Variants in CEP89 observed in about 807,000 individuals in gnomAD.
CEP89 encodes centrosomal protein 89.
A neutral mutation model predicts 97.6 loss-of-function variants in CEP89; 95 were observed. The ratio of observed to expected loss-of-function variants is 0.97; its 90% CI spans 0.82 to 1.15. The LOEUF is 1.15. CEP89 is among the 50% of genes most tolerant of loss of function. The probability of loss-of-function intolerance (pLI) is 0.00; values close to 1 mark genes in which losing one functional copy is unlikely to be tolerated. For synonymous variants in CEP89, 354 were observed against 349.1 expected (o/e 1.01, Z -0.16); for missense variants, 869 against 947.7 (o/e 0.92, Z 1.09).
intron 3 of CEP89, 90 bp downstream of exon 3, chr19:32,959,810 T>G: frequency 7.1e-7 from 1 of 1,412,928 alleles, no homozygotes; most frequent in Non-Finnish European, 9.8e-7. Flanking sequence ...TGCACACACA[T>G]GTACGCATGC....
intron 9 of CEP89, among the ~76,000 whole-genome samples, chr19:32,928,179 G>C (rs960938797): frequency 6.6e-6 from 1 of 152,094 alleles, no homozygotes; most frequent in African/African-American, 2.4e-5. Flanking sequence ...GCCTCCCAAA[G>C]TGCTGGGATT....
intron 16 of CEP89, among the ~76,000 whole-genome samples, chr19:32,888,370 A>G (rs1460638338): frequency 6.6e-6 from 1 of 152,234 alleles, no homozygotes; most frequent in African/African-American, 2.4e-5. Flanking sequence ...CATTCTATAA[A>G]TTAACTATTT....
chr19:32,953,550 A>G (rs2944021), intron 4 of CEP89, 65 bp downstream of exon 4: 177,168 of 1,305,170 alleles, frequency 0.14, 13,859 homozygotes, highest in East Asian at 0.27. Flanking sequence ...TTAGCAATGC[A>G]CTAATTTACC....
rs1970590200 is a variant in CEP89 at position 32,936,818 on chromosome 19, T to C, written c.667+813A>G. On this transcript the variant is annotated intron_variant, in intron 7 of 18. Coordinates refer to ENST00000305768, the MANE Select transcript of CEP89 (RefSeq NM_032816.5). The surrounding 1 kb of genome is among the most constrained non-coding windows in gnomAD (Gnocchi z 4.5). ...CCAGGGCTTCCTCTTTGCTGAGAGC[T>C]GCAGAGACAGTTGGGTGACCTGCCT... Among the ~76,000 whole-genome samples the C allele has an allele frequency of 6.6e-6, 1 of 152,082 alleles. No individual in the cohort carries two copies. The highest frequency in any genetic ancestry group is 2.4e-5 in the African/African-American group (1 of 41,418).
intron 11 of CEP89, among the ~76,000 whole-genome samples, chr19:32,925,684 C>T (rs1287612678): frequency 2.6e-5 from 4 of 152,032 alleles, no homozygotes; most frequent in African/African-American, 4.8e-5. Flanking sequence ...GACGGGGTTT[C>T]ACCATGTTGA....
chr19:32,927,113 C>CCCCCACCT (rs1970374076), intron 9 of CEP89, 129 bp from the exon 10 acceptor site: 1 of 733,804 alleles, frequency 1.4e-6, no homozygotes, highest in African/African-American at 1.8e-5. Flanking sequence ...TCTGCCTACC[C>CCCCCACCT]ACCCACCTAC....
At chr19:32,918,695 C>A (rs540545557) in intron 12 of CEP89, among the ~76,000 whole-genome samples, 1 of 152,040 alleles carries the variant, frequency 6.6e-6, no homozygotes, top group South Asian at 2.1e-4. Flanking sequence ...GTCCTGCTGC[C>A]CACTATATTA....
chr19:32,940,739 G>C (rs1970670758), intron 5 of CEP89, among the ~76,000 whole-genome samples: 1 of 151,332 alleles, frequency 6.6e-6, no homozygotes, highest in Non-Finnish European at 1.5e-5. Flanking sequence ...ACACATTCAT[G>C]TTGTAAAAAG....
chr19:32,922,037 C>T (rs893124551), intron 12 of CEP89, among the ~76,000 whole-genome samples: 4 of 152,170 alleles, frequency 2.6e-5, no homozygotes, highest in African/African-American at 7.2e-5. Context: ...TTAGGCTTTT[C>T]AAGACATGTA....
chr19:32,931,060 A>T (rs555342782), intron 9 of CEP89: 6 of 250,542 alleles, frequency 2.4e-5, no homozygotes, highest in East Asian at 2.1e-4. Flanking sequence ...TAATTTTTTT[A>T]AATTTTTTAT....
chr19:32,903,860 A>G (rs1969834296), intron 14 of CEP89, among the ~76,000 whole-genome samples: 1 of 152,220 alleles, frequency 6.6e-6, no homozygotes, highest in African/African-American at 2.4e-5. Flanking sequence ...AACTTCATGT[A>G]GAGTAAAGAA....
intron 16 of CEP89, 75 bp from the exon 17 acceptor site, chr19:32,887,916 G>A (rs1404882646): frequency 4.7e-6 from 4 of 844,428 alleles, no homozygotes; most frequent in Non-Finnish European, 7.9e-6. Context: ...TTTGCAAAGA[G>A]TGTTACTGCT....
chr19:32,944,981 G>A (rs1057063503), intron 5 of CEP89, among the ~76,000 whole-genome samples: 1 of 152,342 alleles, frequency 6.6e-6, no homozygotes, highest in Middle Eastern at 3.4e-3. Flanking sequence ...AGAAACGACA[G>A]AGTCAAGGAC....
chr19:32,888,683 A>T (rs1251895925), intron 16 of CEP89, among the ~76,000 whole-genome samples: 1 of 141,130 alleles, frequency 7.1e-6, no homozygotes, highest in South Asian at 2.2e-4. Context: ...ATTCTGTCTC[A>T]AAAAAAAAAA....
At chr19:32,909,941 T>C (rs1158696443) in intron 14 of CEP89, among the ~76,000 whole-genome samples, 1 of 152,134 alleles carries the variant, frequency 6.6e-6, no homozygotes, top group Non-Finnish European at 1.5e-5. Context: ...CCTACACATA[T>C]TCTAATGAAA....
At chr19:32,907,866 C>G (rs1969921041) in intron 14 of CEP89, among the ~76,000 whole-genome samples, 1 of 152,232 alleles carries the variant, frequency 6.6e-6, no homozygotes, top group Non-Finnish European at 1.5e-5. Flanking sequence ...GGATTACAGG[C>G]ATGAGTCACT....
chr19:32,895,066 C>A (rs189081956), intron 16 of CEP89, among the ~76,000 whole-genome samples: 4 of 152,088 alleles, frequency 2.6e-5, no homozygotes, highest in Non-Finnish European at 5.9e-5. Flanking sequence ...AGAACTAATA[C>A]AAATTCTCCT....
chr19:32,927,022 C>T (rs758947061), intron 9 of CEP89, 38 bp from the exon 10 acceptor site: 3 of 1,548,792 alleles, frequency 1.9e-6, no homozygotes, highest in South Asian at 1.1e-5. Flanking sequence ...AGTTAAACCA[C>T]ACTTCCTCTG....
At chr19:32,933,743 G>T in intron 7 of CEP89, 74 bp from the exon 8 acceptor site, 1 of 1,042,964 alleles carries the variant, frequency 9.6e-7, no homozygotes, top group Non-Finnish European at 1.5e-6. Context: ...AACTGACTTT[G>T]TTCCAAAAAC....
Sources: allele counts gnomAD v4.1 joint callset (sites outside exome capture counted in the v4.1 genomes callset), GRCh38; gene constraint gnomAD v4.1.1; non-coding constraint Gnocchi (gnomAD v3.1); transcripts MANE v1.5; gene names NCBI Gene and HGNC (gene_info 2026-07-23, HGNC 2026-07-21).